Variants in SNX6 observed in about 807,000 individuals in gnomAD.
SNX6 encodes the protein sorting nexin 6.
In SNX6, 34 loss-of-function variants were observed where a neutral mutation model predicts 63.0. The observed-to-expected ratio is 0.54, with a 90% CI of 0.41 to 0.72. The LOEUF (loss-of-function observed/expected upper bound fraction) is 0.72. Among genes scored for constraint, SNX6 ranks in the 30% least tolerant of loss-of-function variants. SNX6 has a pLI of 0.00. For synonymous variants in SNX6, 170 were observed against 164.2 expected (o/e 1.04, Z -0.27); for missense variants, 398 against 471.4 (o/e 0.84, Z 1.44).
intron 8 of SNX6, among the ~76,000 whole-genome samples, chr14:34,591,821 G>A (rs1009991301): frequency 2.2e-5 from 3 of 134,032 alleles, no homozygotes; most frequent in African/African-American, 8.4e-5. Context: ...TGATTTTTGA[G>A]AAAACATTTG....
chr14:34,589,026 C>T (rs983897904), intron 8 of SNX6, among the ~76,000 whole-genome samples: 3 of 151,826 alleles, frequency 2.0e-5, no homozygotes, highest in Non-Finnish European at 4.4e-5. Flanking sequence ...CCCAGCTGCT[C>T]GGGAGGCTGA....
At chr14:34,593,018 T>TTAGCCACAGAA in intron 8 of SNX6, 27 bp downstream of exon 8, 2 of 1,397,650 alleles carry the variant, frequency 1.4e-6, no homozygotes, top group Non-Finnish European at 1.0e-6. Flanking sequence ...TTAAAAGATA[T>TTAGCCACAGAA]AAGCTTTAGC....
chr14:34,592,195 G>C (rs1882421067), intron 8 of SNX6, among the ~76,000 whole-genome samples: 1 of 152,070 alleles, frequency 6.6e-6, no homozygotes, highest in Admixed American at 6.6e-5. Flanking sequence ...AGACCATCCT[G>C]GCCAAGACTG....
At chr14:34,570,728 T>G (rs9743864) in intron 11 of SNX6, among the ~76,000 whole-genome samples, 1 of 90,200 alleles carries the variant, frequency 1.1e-5, no homozygotes, top group South Asian at 4.1e-4. Flanking sequence ...GCCTTCTCTT[T>G]TTTTTTTTTT....
chr14:34,581,927 C>T (rs1383144421), intron 9 of SNX6, among the ~76,000 whole-genome samples: 1 of 152,098 alleles, frequency 6.6e-6, no homozygotes, highest in Non-Finnish European at 1.5e-5. Context: ...CTCCCGAGTT[C>T]AAGCGATTCT....
At chr14:34,572,900 T>A (rs1881512667) in intron 11 of SNX6, among the ~76,000 whole-genome samples, 1 of 152,062 alleles carries the variant, frequency 6.6e-6, no homozygotes, top group African/African-American at 2.4e-5. Context: ...GCCAGGATGG[T>A]CTTGATCTCC....
At chr14:34,593,267 T>C in intron 7 of SNX6, 117 bp from the exon 8 acceptor site, 1 of 620,950 alleles carries the variant, frequency 1.6e-6, no homozygotes, top group South Asian at 2.2e-5. Context: ...CTATCCTCAG[T>C]CAGATGTTAT....
intron 2 of SNX6, among the ~76,000 whole-genome samples, chr14:34,622,089 G>C (rs1419050569): frequency 1.3e-5 from 2 of 149,642 alleles, no homozygotes; most frequent in African/African-American, 4.9e-5. Context: ...TTCCCTAGTA[G>C]CTGGGATTAC....
At chr14:34,615,191 G>A (rs985829304) in intron 2 of SNX6, among the ~76,000 whole-genome samples, 1 of 151,324 alleles carries the variant, frequency 6.6e-6, no homozygotes, top group Non-Finnish European at 1.5e-5. Context: ...AAATATCCCT[G>A]TACTATCCAC....
chr14:34,616,211 C>T lies in SNX6; in HGVS notation c.55-6469G>A, dbSNP rs1219120316. On this transcript the variant is annotated intron_variant, in intron 2 of 13. Coordinates refer to ENST00000362031, the MANE Select transcript of SNX6 (RefSeq NM_152233.4). ...CCTCATGATCCACCTGCTTCAGCCT[C>T]CCAAAGTGCTGGGATTACAGGTGTG... Among the ~76,000 whole-genome samples the T allele has an allele frequency of 4.7e-5, 7 of 148,018 alleles. No individual in the cohort carries two copies. The Admixed American group carries it at 4.8e-4, about 10-fold the overall frequency.
At chr14:34,596,051 G>A (rs1321111469) in intron 7 of SNX6, among the ~76,000 whole-genome samples, 10 of 151,126 alleles carry the variant, frequency 6.6e-5, no homozygotes, top group African/African-American at 2.4e-4. Context: ...AACCCCATCT[G>A]TACTAAAAAT....
intron 6 of SNX6, 32 bp from the exon 7 acceptor site, chr14:34,597,677 T>A: frequency 7.6e-7 from 1 of 1,309,678 alleles, no homozygotes; most frequent in Admixed American, 1.8e-5. Context: ...ATTTTTAAGG[T>A]TACAAATGGA....
intron 6 of SNX6, among the ~76,000 whole-genome samples, chr14:34,603,029 G>C (rs1462327143): frequency 1.3e-5 from 2 of 150,454 alleles, no homozygotes; most frequent in Admixed American, 6.7e-5. Flanking sequence ...TGTAATCCTA[G>C]CACTTTGGGA....
At chr14:34,565,260 GTA>G (rs1397060873) in intron 13 of SNX6, among the ~76,000 whole-genome samples, 5 of 151,566 alleles carry the variant, frequency 3.3e-5, no homozygotes, top group Admixed American at 1.3e-4. Context: ...TGTATTTTTA[GTA>G]GAGACGGGGT....
chr14:34,611,494 G>C (rs1010979903), intron 2 of SNX6, among the ~76,000 whole-genome samples: 1 of 150,108 alleles, frequency 6.7e-6, no homozygotes, highest in African/African-American at 2.4e-5. Context: ...AAAAAAAAAA[G>C]GGGGGGAGGC....
chr14:34,613,778 G>A (rs186225378), intron 2 of SNX6, among the ~76,000 whole-genome samples: 128 of 151,786 alleles, frequency 8.4e-4, no homozygotes, highest in African/African-American at 2.9e-3. Context: ...GGGCAAGAGC[G>A]AGACTCCATC....
At chr14:34,625,937 T>C (rs1431322612) in intron 2 of SNX6, among the ~76,000 whole-genome samples, 2 of 152,150 alleles carry the variant, frequency 1.3e-5, no homozygotes, top group East Asian at 1.9e-4. Context: ...AAGGCCACTT[T>C]GAGAAACCTG....
intron 6 of SNX6, among the ~76,000 whole-genome samples, chr14:34,600,758 C>T (rs561215908): frequency 1.0e-3 from 155 of 152,246 alleles, no homozygotes; most frequent in African/African-American, 3.5e-3. Context: ...ATCACCTCGG[C>T]CAGGCATGGT....
At chr14:34,568,983 G>A (rs1594692302) in intron 11 of SNX6, 14 of 1,451,960 alleles carry the variant, frequency 9.6e-6, no homozygotes, top group South Asian at 2.3e-5. Context: ...AGTTCTCATC[G>A]TAGGGAGCAA....
Sources: gnomAD v4.1 joint callset for allele counts (sites outside exome capture counted in the v4.1 genomes callset) on GRCh38, gnomAD v4.1.1 for gene constraint, MANE v1.5 for transcripts, NCBI Gene and HGNC (gene_info 2026-07-23, HGNC 2026-07-21) for gene names.